STARD13: variants seen among roughly 807,000 people sequenced by gnomAD.
The protein encoded by STARD13 is StAR related lipid transfer domain containing 13, also known as stAR-related lipid transfer protein 13.
A neutral mutation model predicts 106.4 loss-of-function variants in STARD13; 62 were observed. The observed-to-expected ratio is 0.58, with a 90% confidence interval of 0.48 to 0.72. The LOEUF (loss-of-function observed/expected upper bound fraction) is 0.72, where lower values mean the gene tolerates loss of function less well. Ranked by LOEUF, STARD13 falls within the 30% of genes least tolerant of loss-of-function variation. The pLI is 0.00. For synonymous variants in STARD13, 565 were observed against 553.0 expected (o/e 1.02, Z -0.31); for missense variants, 1,387 against 1,424.0 (o/e 0.97, Z 0.42).
At chr13:33,528,472 CTA>C in the STARD13 span, among the ~76,000 whole-genome samples, 2 of 151,106 alleles carry the variant, frequency 1.3e-5, no homozygotes, top group Non-Finnish European at 2.9e-5. Flanking sequence ...TGAGGTCTCG[CTA>C]TGTTACCCAG....
At chr13:33,586,392 T>C in the STARD13 span, among the ~76,000 whole-genome samples, 1 of 152,140 alleles carries the variant, frequency 6.6e-6, no homozygotes, top group African/African-American at 2.4e-5. Context: ...CACAAAGCTC[T>C]GGTGTGTCCC....
At chr13:33,412,208 A>G in the STARD13 span, among the ~76,000 whole-genome samples, 1 of 152,184 alleles carries the variant, frequency 6.6e-6, no homozygotes, top group Non-Finnish European at 1.5e-5. Flanking sequence ...GGAGGAGAGG[A>G]AAGGGAAGTA....
chr13:33,204,240 T>C (rs559580661), intron 1 of STARD13, among the ~76,000 whole-genome samples: 1 of 152,330 alleles, frequency 6.6e-6, no homozygotes, highest in Non-Finnish European at 1.5e-5. Context: ...CAGAACATAC[T>C]GGTTGGCATA....
At chr13:33,441,459 A>G in the STARD13 span, among the ~76,000 whole-genome samples, 1 of 152,200 alleles carries the variant, frequency 6.6e-6, no homozygotes, top group Non-Finnish European at 1.5e-5. Context: ...GTTCCTAGCC[A>G]TATGACCTTA....
the STARD13 span, chr13:33,659,721 A>C: frequency 6.6e-6 from 1 of 152,190 alleles, no homozygotes; most frequent in African/African-American, 2.4e-5. Flanking sequence ...CAGTAGGCTC[A>C]TATTTTGGGG....
intron 1 of STARD13, among the ~76,000 whole-genome samples, chr13:33,210,018 A>C (rs1887632339): frequency 6.6e-6 from 1 of 152,192 alleles, no homozygotes; most frequent in African/African-American, 2.4e-5. Flanking sequence ...TTCCAGCTTC[A>C]TGCACAGAGT....
chr13:33,204,879 C>T lies in STARD13; in HGVS notation c.170-37257G>A, dbSNP rs144824799. Among the ~76,000 whole-genome samples the T allele has an allele frequency of 8.4e-3, 1,276 of 152,346 alleles. 24 individuals carry two copies. The highest frequency in any genetic ancestry group is 0.029 in the African/African-American group (1,218 of 41,568). On this transcript the variant is annotated intron_variant, in intron 1 of 13. Transcript: ENST00000336934. ...TCTACTTTGGCGAGTTTACAGCCAG[C>T]GCTTCCACTTCTGGTTTGGACTAGA...
the STARD13 span, among the ~76,000 whole-genome samples, chr13:33,392,678 G>C: frequency 2.6e-5 from 4 of 152,200 alleles, no homozygotes; most frequent in African/African-American, 9.7e-5. Flanking sequence ...AGGATTACAG[G>C]TGTGAGCCAC....
intron 1 of STARD13, among the ~76,000 whole-genome samples, chr13:33,217,747 A>G (rs1888125731): frequency 6.6e-6 from 1 of 152,232 alleles, no homozygotes; most frequent in Admixed American, 6.5e-5. Flanking sequence ...TTCATGAAAA[A>G]TATTTTAAAA....
At chr13:33,369,419 A>C in the STARD13 span, among the ~76,000 whole-genome samples, 1 of 152,134 alleles carries the variant, frequency 6.6e-6, no homozygotes, top group African/African-American at 2.4e-5. Flanking sequence ...TCTTTATTCC[A>C]TTTCAGTGCA....
the STARD13 span, among the ~76,000 whole-genome samples, chr13:33,368,360 G>A: frequency 6.6e-6 from 1 of 152,152 alleles, no homozygotes; most frequent in African/African-American, 2.4e-5. Context: ...ACAAATATTT[G>A]TTGGGTACCT....
At chr13:33,511,063 A>C in the STARD13 span, among the ~76,000 whole-genome samples, 1 of 152,046 alleles carries the variant, frequency 6.6e-6, no homozygotes, top group African/African-American at 2.4e-5. Flanking sequence ...TAATCCCAGC[A>C]CTTTGGGAGG....
rs182489946 is a variant in STARD13 at position 33,243,310 on chromosome 13, G to A, written c.169+42160C>T. On this transcript the variant is annotated intron_variant, in intron 1 of 13. Transcript: ENST00000336934. ...AATGTTGGAGTGTGGAAGGGGGAAT[G>A]GTAGGCATCAAAGAGAGGCATTTCA... Among the ~76,000 whole-genome samples, 3 of 152,284 alleles carry A rather than the reference G, an allele frequency of 2.0e-5. No homozygotes were observed. In the East Asian group the frequency reaches 5.8e-4, roughly 29 times the overall value.
At chr13:33,652,820 G>A in the STARD13 span, among the ~76,000 whole-genome samples, 4 of 151,422 alleles carry the variant, frequency 2.6e-5, no homozygotes, top group East Asian at 7.7e-4. Context: ...ACAATGTGTT[G>A]GTCAAATATC....
At chr13:33,223,023 A>G (rs1888438199) in intron 1 of STARD13, among the ~76,000 whole-genome samples, 1 of 152,268 alleles carries the variant, frequency 6.6e-6, no homozygotes, top group Non-Finnish European at 1.5e-5. Context: ...TTAGGAATCC[A>G]TCTGCTACTC....
chr13:33,205,262 A>C (rs1887334689), intron 1 of STARD13, among the ~76,000 whole-genome samples: 1 of 152,242 alleles, frequency 6.6e-6, no homozygotes, highest in Non-Finnish European at 1.5e-5. Flanking sequence ...CTTTCTGAGA[A>C]AGATAAACTA....
chr13:33,163,229 G>C (rs1003192019), intron 3 of STARD13, among the ~76,000 whole-genome samples: 1 of 151,940 alleles, frequency 6.6e-6, no homozygotes, highest in Non-Finnish European at 1.5e-5. Context: ...TAACATGTGG[G>C]AATTATGGGA....
the STARD13 span, among the ~76,000 whole-genome samples, chr13:33,590,420 G>A: frequency 6.6e-6 from 1 of 151,830 alleles, no homozygotes; most frequent in Non-Finnish European, 1.5e-5. Flanking sequence ...TGCGGCACTA[G>A]TCACAATAGC....
At chr13:33,142,842 A>G (rs1191835678) in intron 3 of STARD13, among the ~76,000 whole-genome samples, 2 of 152,220 alleles carry the variant, frequency 1.3e-5, no homozygotes, top group African/African-American at 4.8e-5. Flanking sequence ...TATACATGCT[A>G]TAGGCTAACT....
Sources: gnomAD v4.1 joint callset for allele counts (sites outside exome capture counted in the v4.1 genomes callset) on GRCh38, gnomAD v4.1.1 for gene constraint, MANE v1.5 for transcripts, NCBI Gene and HGNC (gene_info 2026-07-23, HGNC 2026-07-21) for gene names.